CACNA1E: variants seen among roughly 807,000 people sequenced by gnomAD.
CACNA1E encodes the protein voltage-dependent R-type calcium channel subunit alpha-1E.
CACNA1E carries 40 observed loss-of-function variants against 259.2 expected under a neutral mutation model. That is an observed-to-expected ratio of 0.15 (90% CI 0.12 to 0.20). The LOEUF is 0.20. Among genes scored for constraint, CACNA1E ranks in the 10% least tolerant of loss-of-function variants. The pLI is 1.00. For synonymous variants in CACNA1E, 1,104 were observed against 1,138.5 expected, an observed-to-expected ratio of 0.97 and a Z score of 0.61; for missense variants, 1,874 against 3,040.1, an observed-to-expected ratio of 0.62 and a Z score of 9.02.
At chr1:181,783,393 A>AG (rs373780408) in intron 39 of CACNA1E, among the ~76,000 whole-genome samples, 47 of 152,116 alleles carry the variant, frequency 3.1e-4, no homozygotes, top group Middle Eastern at 3.4e-3. Context: ...TAGGACTCCA[A>AG]GGGGGGGCCT....
intron 2 of CACNA1E, among the ~76,000 whole-genome samples, chr1:181,458,301 C>T (rs1212856511): frequency 6.6e-6 from 1 of 152,188 alleles, no homozygotes; most frequent in Non-Finnish European, 1.5e-5. Context: ...TACAGACCAC[C>T]ACCTGGCTCC....
chr1:181,776,232 C>T lies in CACNA1E; in HGVS notation c.5267+4C>T. Reference sequence around the variant, plus strand: ...CAGAATATGACCGAGCAGCATGGTGCGTAGGCCCCTCGGCCGCCCCAGCGG... The same window carrying T: ...CAGAATATGACCGAGCAGCATGGTGTGTAGGCCCCTCGGCCGCCCCAGCGG... On this transcript the variant is annotated splice_donor_region_variant and intron_variant, in intron 38 of 47. Coordinates refer to ENST00000367573, the MANE Select transcript of CACNA1E (RefSeq NM_001205293.3). This position sits in a 1 kb window ranked among gnomAD's most constrained non-coding sequence, Gnocchi z 4.4. 2 of 1,613,900 alleles carry T rather than the reference C, an allele frequency of 1.2e-6. No homozygotes were observed. The highest frequency in any genetic ancestry group is 8.5e-7 in the Non-Finnish European group (1 of 1,179,778).
At chr1:181,524,319 A>C (rs1667197942) in intron 3 of CACNA1E, among the ~76,000 whole-genome samples, 1 of 152,228 alleles carries the variant, frequency 6.6e-6, no homozygotes, top group Non-Finnish European at 1.5e-5. Context: ...AAAAAAGAGC[A>C]ATCTAATTGG....
chr1:181,771,671 C>G (rs867029945), intron 36 of CACNA1E: 1 of 483,384 alleles, frequency 2.1e-6, no homozygotes. Context: ...TCATCAATGT[C>G]TTTGGCTCAG....
intron 3 of CACNA1E, among the ~76,000 whole-genome samples, chr1:181,565,726 T>A (rs927028493): frequency 1.3e-5 from 2 of 152,204 alleles, no homozygotes; most frequent in Non-Finnish European, 2.9e-5. Flanking sequence ...ATATAGCTAA[T>A]CATGGGGCTT....
Position 181,736,357 on chromosome 1 carries a change from G to A in CACNA1E, c.3345G>A (p.Lys1115=), listed in dbSNP as rs763395166. 7 of 1,610,768 alleles carry A rather than the reference G, an allele frequency of 4.3e-6. No homozygotes were observed. The highest frequency in any genetic ancestry group is 5.1e-6 in the Non-Finnish European group (6 of 1,178,386). ...REDEEEVEKK[K]QKKEKRETGK... is the part of the protein sequence containing the mutation. Reference sequence around the variant, plus strand: ...ATGAGGAGGAGGTGGAGAAGAAGAAGCAGAAGAAGGAGAAGCGTGAGACAG... The same window carrying A: ...ATGAGGAGGAGGTGGAGAAGAAGAAACAGAAGAAGGAGAAGCGTGAGACAG... Residue 1115 remains lysine, a synonymous_variant, in exon 22 of 48, where the codon AAG becomes AAA. Coordinates refer to ENST00000367573, the MANE Select transcript of CACNA1E (RefSeq NM_001205293.3).
At chr1:181,647,649 G>T (rs986459204) in intron 6 of CACNA1E, among the ~76,000 whole-genome samples, 3 of 152,296 alleles carry the variant, frequency 2.0e-5, no homozygotes, top group Middle Eastern at 3.4e-3. Flanking sequence ...TTGAGTCATT[G>T]TCTCTCCTAC....
rs1159109269 is a variant in CACNA1E, at chr1:181,804,387, T to C, written c.*5553T>C. 6.6e-6 allele frequency: 1 copy of C among 152,202 alleles called. No homozygotes were observed. Among genetic ancestry groups the C allele is most frequent in the Non-Finnish European group, 1.5e-5 (1 of 68,040 alleles). 9.4% of individuals were successfully genotyped at this position (152,202 alleles called of 1,614,324 possible). On this transcript the variant is annotated 3_prime_UTR_variant, in exon 48 of 48. Transcript: ENST00000367573. ...GTCGTCTTTCTCTTTCTGTCTAAAT[T>C]GGCCTCTGTCTTTTCCTAAGGACTT...
chr1:181,593,875 G>C (rs1652904704), intron 6 of CACNA1E, among the ~76,000 whole-genome samples: 1 of 152,182 alleles, frequency 6.6e-6, no homozygotes, highest in African/African-American at 2.4e-5. Flanking sequence ...GGGTAGACCT[G>C]ACATTCATCT....
chr1:181,611,969 A>T (rs192067931), intron 6 of CACNA1E, among the ~76,000 whole-genome samples: 1 of 152,348 alleles, frequency 6.6e-6, no homozygotes, highest in East Asian at 1.9e-4. Flanking sequence ...TCTCTAAAAA[A>T]ACACGCAAGA....
intron 6 of CACNA1E, among the ~76,000 whole-genome samples, chr1:181,585,017 C>T (rs550161754): frequency 3.3e-5 from 5 of 149,440 alleles, no homozygotes; most frequent in Middle Eastern, 3.4e-3. Flanking sequence ...CTGGTCCCCC[C>T]CCCTGCCTCA....
intron 1 of CACNA1E, among the ~76,000 whole-genome samples, chr1:181,328,389 G>A (rs1288004091): frequency 6.6e-6 from 1 of 152,168 alleles, no homozygotes; most frequent in African/African-American, 2.4e-5. Flanking sequence ...TTCCACATAT[G>A]AATTTGGGGA....
rs78337662 is a variant in CACNA1E, at chr1:181,792,021, C to A, written c.5898+1465C>A. Among the ~76,000 whole-genome samples, 24 of 151,906 alleles carry A rather than the reference C, an allele frequency of 1.6e-4. No homozygotes were observed. The East Asian group carries it at 4.6e-3, about 29-fold the overall frequency. On this transcript the variant is annotated intron_variant, in intron 44 of 47. Transcript: ENST00000367573. ...GCCCCCAGGGCTGAGCAATTGACTG[C>A]CTGAGGGTGTTCTTGATGAGGCAGG...
rs1661830800 is a variant in CACNA1E, at chr1:181,796,662, T to C, written c.6209-6T>C. The C allele has an allele frequency of 1.9e-6, 3 of 1,571,042 alleles. No homozygotes were observed. The highest frequency in any genetic ancestry group is 2.6e-6 in the Non-Finnish European group (3 of 1,151,862). ...TATAACCAAGTGCTTTTGTCACCTCTCACAGGCCACAAGTCTGACACTCAC... is the reference window on the plus strand; with the variant it reads ...TATAACCAAGTGCTTTTGTCACCTCCCACAGGCCACAAGTCTGACACTCAC... On this transcript the variant is annotated splice_region_variant and splice_polypyrimidine_tract_variant and intron_variant, in intron 46 of 47. Transcript: ENST00000367573.
chr1:181,361,539 G>A (rs1439729277), intron 1 of CACNA1E, among the ~76,000 whole-genome samples: 1 of 152,100 alleles, frequency 6.6e-6, no homozygotes, highest in East Asian at 1.9e-4. Context: ...CTAGAGGGCT[G>A]GCCCTGGGCA....
chr1:181,408,919 C>T (rs1213914468), intron 1 of CACNA1E, among the ~76,000 whole-genome samples: 1 of 152,168 alleles, frequency 6.6e-6, no homozygotes, highest in Non-Finnish European at 1.5e-5. Context: ...AGCAACTTTG[C>T]TCTCAGGAAG....
chr1:181,750,935 C>T (rs926915009), intron 26 of CACNA1E, among the ~76,000 whole-genome samples: 8 of 150,132 alleles, frequency 5.3e-5, no homozygotes, highest in South Asian at 2.1e-4. Flanking sequence ...CTTTTGGCCT[C>T]GTTTTCTGTG....
At chr1:181,643,167 A>G (rs1042867190) in intron 6 of CACNA1E, among the ~76,000 whole-genome samples, 18 of 152,154 alleles carry the variant, frequency 1.2e-4, no homozygotes, top group Non-Finnish European at 2.1e-4. Context: ...GTCATGCACA[A>G]AAGTAGAGAG....
At chr1:181,445,642 C>T (rs1204591067) in intron 2 of CACNA1E, among the ~76,000 whole-genome samples, 1 of 152,256 alleles carries the variant, frequency 6.6e-6, no homozygotes, top group Non-Finnish European at 1.5e-5. Context: ...TGATGTAGCA[C>T]ACAAGGGCCT....
Sources: allele counts gnomAD v4.1 joint callset (sites outside exome capture counted in the v4.1 genomes callset), GRCh38; gene constraint gnomAD v4.1.1; non-coding constraint Gnocchi (gnomAD v3.1); transcripts MANE v1.5; gene names NCBI Gene and HGNC (gene_info 2026-07-23, HGNC 2026-07-21).